CSMD1: variants seen among roughly 807,000 people sequenced by gnomAD.
CSMD1 encodes CUB and Sushi multiple domains 1, also known as CUB and sushi domain-containing protein 1.
A neutral mutation model predicts 417.5 loss-of-function variants in CSMD1; 213 were observed. The ratio of observed to expected loss-of-function variants is 0.51; its 90% CI spans 0.46 to 0.57. The LOEUF is 0.57. CSMD1 is among the 20% of genes least tolerant of loss of function. The probability of loss-of-function intolerance (pLI) is 0.00; values close to 1 mark genes in which losing one functional copy is unlikely to be tolerated. For missense variants in CSMD1, 6,923 were observed against 4,529.7 expected, an observed-to-expected ratio of 1.53 and a Z score of -15.17; for synonymous variants, 2,862 against 1,736.8, an observed-to-expected ratio of 1.65 and a Z score of -16.11.
At chr8:4,440,522 G>A (rs1028955086) in intron 2 of CSMD1, among the ~76,000 whole-genome samples, 2 of 151,964 alleles carry the variant, frequency 1.3e-5, no homozygotes, top group African/African-American at 4.8e-5. Context: ...TGGATATAAA[G>A]ACATGTACAG....
intron 7 of CSMD1, among the ~76,000 whole-genome samples, chr8:3,676,592 G>A (rs745990996): frequency 1.3e-5 from 2 of 152,152 alleles, no homozygotes; most frequent in Non-Finnish European, 2.9e-5. Flanking sequence ...CGGATATATG[G>A]AAACTTTTCC....
intron 2 of CSMD1, among the ~76,000 whole-genome samples, chr8:4,570,075 C>T (rs1036558865): frequency 3.3e-5 from 5 of 152,138 alleles, no homozygotes; most frequent in Admixed American, 3.3e-4. Flanking sequence ...ACAATCACGT[C>T]GTCTGCAAAC....
chr8:3,798,590 T>A (rs1336101860), intron 5 of CSMD1, among the ~76,000 whole-genome samples: 1 of 152,084 alleles, frequency 6.6e-6, no homozygotes, highest in East Asian at 1.9e-4. Context: ...AAGGCAATTA[T>A]AAATAAAATA....
chr8:4,559,010 T>A (rs1056593864), intron 2 of CSMD1, among the ~76,000 whole-genome samples: 2 of 152,192 alleles, frequency 1.3e-5, no homozygotes, highest in Non-Finnish European at 2.9e-5. Context: ...TGATTGTACA[T>A]TCATCGTAGA....
chr8:3,312,453 T>G (rs1186119841), intron 23 of CSMD1, among the ~76,000 whole-genome samples: 1 of 152,202 alleles, frequency 6.6e-6, no homozygotes, highest in Non-Finnish European at 1.5e-5. Flanking sequence ...ATAAAATACA[T>G]TCCTCTTTCC....
intron 7 of CSMD1, among the ~76,000 whole-genome samples, chr8:3,662,507 C>CAT (rs1326628470): frequency 2.0e-5 from 3 of 152,164 alleles, no homozygotes; most frequent in African/African-American, 4.8e-5. Flanking sequence ...CATATGTGTG[C>CAT]ATGTGTCTTT....
intron 1 of CSMD1, among the ~76,000 whole-genome samples, chr8:4,721,166 A>T (rs914650008): frequency 6.6e-6 from 1 of 152,210 alleles, no homozygotes; most frequent in Non-Finnish European, 1.5e-5. Flanking sequence ...GACTAATCAA[A>T]TTAAACTATT....
At chr8:4,343,626 T>C (rs923573858) in intron 3 of CSMD1, among the ~76,000 whole-genome samples, 44 of 152,158 alleles carry the variant, frequency 2.9e-4, no homozygotes, top group Non-Finnish European at 1.8e-4. Flanking sequence ...GCAGACTATG[T>C]GCACTAGAGC....
intron 5 of CSMD1, among the ~76,000 whole-genome samples, chr8:3,837,710 G>T (rs970892960): frequency 2.0e-5 from 3 of 152,062 alleles, no homozygotes; most frequent in East Asian, 1.9e-4. Flanking sequence ...TAGAGGTTGA[G>T]AACACATAAC....
At chr8:4,194,276 A>T (rs991920354) in intron 3 of CSMD1, among the ~76,000 whole-genome samples, 6 of 152,160 alleles carry the variant, frequency 3.9e-5, no homozygotes, top group Non-Finnish European at 2.9e-5. Flanking sequence ...AATTATAATG[A>T]AGGAATAATA....
intron 7 of CSMD1, among the ~76,000 whole-genome samples, chr8:3,629,514 G>C (rs547502712): frequency 1.2e-4 from 19 of 152,060 alleles, no homozygotes; most frequent in Non-Finnish European, 2.8e-4. Context: ...TAAAGACAAC[G>C]TTACAGCAAA....
At chr8:4,754,135 G>A (rs1295934382) in intron 1 of CSMD1, among the ~76,000 whole-genome samples, 1 of 152,170 alleles carries the variant, frequency 6.6e-6, no homozygotes, top group Non-Finnish European at 1.5e-5. Flanking sequence ...CTTGGTGGTA[G>A]CAATAAAATA....
At position 3,096,840 on chromosome 8, in the gene CSMD1, G is replaced by A. The variant is rs1349959986; in HGVS notation, c.7138+9C>T. 27 of 1,535,048 alleles carry A rather than the reference G, an allele frequency of 1.8e-5. No homozygotes were observed. Among genetic ancestry groups the A allele is most frequent in the African/African-American group, 2.8e-5 (2 of 72,576 alleles). On this transcript the variant is annotated intron_variant, in intron 47 of 69. Coordinates refer to ENST00000635120, the MANE Select transcript of CSMD1 (RefSeq NM_033225.6). ...AGGTCACTGCTCTACAAAGATTAAA[G>A]AAACTTACCATCAAACACTTCCAGT... is the stretch of plus-strand genomic sequence containing the variant.
chr8:4,777,655 G>A (rs935598158), intron 1 of CSMD1, among the ~76,000 whole-genome samples: 15 of 152,168 alleles, frequency 9.9e-5, no homozygotes, highest in African/African-American at 3.4e-4. Context: ...TATTAGCTTG[G>A]TACAGAAGTG....
intron 42 of CSMD1, among the ~76,000 whole-genome samples, chr8:3,117,907 C>CTATG: frequency 6.6e-6 from 1 of 152,168 alleles, no homozygotes; most frequent in East Asian, 1.9e-4. Flanking sequence ...TAGCAAAATG[C>CTATG]TATGTACCTT....
At chr8:4,833,302 TG>T (rs1366757822) in intron 1 of CSMD1, among the ~76,000 whole-genome samples, 2 of 152,234 alleles carry the variant, frequency 1.3e-5, no homozygotes, top group African/African-American at 4.8e-5. Context: ...GAAGGGCGAA[TG>T]GGAAGCAAGC....
At chr8:4,414,332 A>T (rs17070197) in intron 3 of CSMD1, among the ~76,000 whole-genome samples, 1 of 152,192 alleles carries the variant, frequency 6.6e-6, no homozygotes, top group Non-Finnish European at 1.5e-5. Flanking sequence ...AAACCCGAAG[A>T]AAAGGTCTCT....
intron 5 of CSMD1, among the ~76,000 whole-genome samples, chr8:3,911,577 C>T (rs1808472986): frequency 6.6e-6 from 1 of 151,276 alleles, no homozygotes; most frequent in Non-Finnish European, 1.5e-5. Flanking sequence ...GGCTATATAA[C>T]ACCAGCTGGT....
At chr8:3,704,873 G>C (rs530705417) in intron 7 of CSMD1, 1 of 152,276 alleles carries the variant, frequency 6.6e-6, no homozygotes, top group Non-Finnish European at 1.5e-5. Flanking sequence ...AGTGAGCAGA[G>C]GGGAGGGTAA....
Sources: allele counts gnomAD v4.1 joint callset (sites outside exome capture counted in the v4.1 genomes callset), GRCh38; gene constraint gnomAD v4.1.1; transcripts MANE v1.5; gene names NCBI Gene and HGNC (gene_info 2026-07-23, HGNC 2026-07-21).